Variants in ZNF410 observed in about 807,000 individuals in gnomAD.
ZNF410 encodes another partner for ARF 1.
A neutral mutation model predicts 54.8 loss-of-function variants in ZNF410; 18 were observed. That is an observed-to-expected ratio of 0.33 (90% CI 0.23 to 0.49). The LOEUF (loss-of-function observed/expected upper bound fraction) is 0.49, where lower values mean the gene tolerates loss of function less well. ZNF410 is among the 20% of genes least tolerant of loss of function. ZNF410 has a pLI of 0.99. For synonymous variants in ZNF410, 191 were observed against 207.3 expected (o/e 0.92, Z 0.68); for missense variants, 405 against 569.6 (o/e 0.71, Z 2.94).
chr14:73,891,256 A>G (rs111722682), intron 1 of ZNF410, among the ~76,000 whole-genome samples: 54 of 152,308 alleles, frequency 3.5e-4, no homozygotes, highest in African/African-American at 1.3e-3. Flanking sequence ...GATGCTTATT[A>G]TAACTAGTTT....
chr14:73,912,430 G>T (rs569482848), intron 8 of ZNF410, among the ~76,000 whole-genome samples: 1 of 152,074 alleles, frequency 6.6e-6, no homozygotes, highest in African/African-American at 2.4e-5. Context: ...GCCTCCCGAA[G>T]TGCTGGGATT....
intron 3 of ZNF410, among the ~76,000 whole-genome samples, chr14:73,894,782 G>A (rs981351264): frequency 1.3e-5 from 2 of 152,094 alleles, no homozygotes; most frequent in African/African-American, 2.4e-5. Context: ...AAGAGAAGGC[G>A]GTAAGATAGA....
At chr14:73,914,751 C>T (rs911104294) in intron 8 of ZNF410, 2 of 150,900 alleles carry the variant, frequency 1.3e-5, no homozygotes, top group East Asian at 4.0e-4. Context: ...GCCTCAGCCT[C>T]CTGAGAAGCT....
intron 1 of ZNF410, among the ~76,000 whole-genome samples, chr14:73,888,612 G>T (rs900824103): frequency 6.6e-6 from 1 of 152,172 alleles, no homozygotes; most frequent in African/African-American, 2.4e-5. Context: ...TGAGTCAATA[G>T]TATGGTATGT....
intron 7 of ZNF410, among the ~76,000 whole-genome samples, chr14:73,906,791 T>C (rs928664663): frequency 1.3e-5 from 2 of 152,206 alleles, no homozygotes; most frequent in South Asian, 2.1e-4. Flanking sequence ...AAAATGCTTT[T>C]ACTTCAAAAT....
chr14:73,899,562 C>G (rs2055374320), intron 5 of ZNF410, among the ~76,000 whole-genome samples: 1 of 152,154 alleles, frequency 6.6e-6, no homozygotes. Context: ...AAACCTTCAG[C>G]ATTTCCTCTT....
At chr14:73,909,686 G>T in intron 8 of ZNF410, 1 of 365,412 alleles carries the variant, frequency 2.7e-6, no homozygotes, top group Non-Finnish European at 5.0e-6. Flanking sequence ...AAATTTGTTT[G>T]GCACTCTGCT....
At chr14:73,898,725 A>G (rs2055360755) in intron 5 of ZNF410, among the ~76,000 whole-genome samples, 1 of 152,238 alleles carries the variant, frequency 6.6e-6, no homozygotes, top group Non-Finnish European at 1.5e-5. Context: ...CTGAAACTAA[A>G]TTGCTGCTCA....
chr14:73,898,438 T>C, intron 5 of ZNF410, 176 bp downstream of exon 5: 1 of 758,910 alleles, frequency 1.3e-6, no homozygotes, highest in Admixed American at 2.9e-5. Flanking sequence ...ATGCCAGATT[T>C]GTGTTCAAAA....
At chr14:73,926,559 C>T (rs1019084753) in intron 11 of ZNF410, among the ~76,000 whole-genome samples, 1 of 151,968 alleles carries the variant, frequency 6.6e-6, no homozygotes, top group African/African-American at 2.4e-5. Flanking sequence ...TCAAGTCTCC[C>T]AATTAGCTGG....
intron 1 of ZNF410, chr14:73,887,303 A>G (rs1187947234): frequency 1.3e-5 from 2 of 152,280 alleles, no homozygotes; most frequent in Non-Finnish European, 1.5e-5. Context: ...GGGGTAGAGG[A>G]TGCCAGGAGG....
intron 11 of ZNF410, among the ~76,000 whole-genome samples, chr14:73,930,509 TCAC>T (rs1296824561): frequency 2.0e-5 from 3 of 152,088 alleles, no homozygotes; most frequent in Non-Finnish European, 4.4e-5. Flanking sequence ...CAAATTAGGA[TCAC>T]CAAGTAAATA....
At chr14:73,929,180 C>G (rs1450083333) in intron 11 of ZNF410, among the ~76,000 whole-genome samples, 1 of 152,148 alleles carries the variant, frequency 6.6e-6, no homozygotes, top group African/African-American at 2.4e-5. Flanking sequence ...TAGCATTATT[C>G]TCCTCCTCGT....
rs2055240904 is a variant in ZNF410 at position 73,892,227 on chromosome 14, T to C, written c.33+19T>C. On this transcript the variant is annotated intron_variant, in intron 2 of 11. Coordinates refer to ENST00000555044, the MANE Select transcript of ZNF410 (RefSeq NM_021188.3). ...ACCAGAGGTGAGCCCAGTCAGCTTG[T>C]TTCCTTTTCTTTTGGTGGGCTATAT... is the stretch of plus-strand genomic sequence containing the variant. 6.2e-7 allele frequency: 1 copy of C among 1,611,334 alleles called. No homozygotes were observed.
At chr14:73,924,047 T>A (rs1446505074) in intron 11 of ZNF410, among the ~76,000 whole-genome samples, 1 of 152,206 alleles carries the variant, frequency 6.6e-6, no homozygotes, top group Non-Finnish European at 1.5e-5. Context: ...TTCATTCTGC[T>A]ATGGTCATAT....
Position 73,923,470 on chromosome 14 carries a change from CAGGG to C in ZNF410, c.1350_1353del (p.Arg451AsnfsTer8), listed in dbSNP as rs761671631. 6.2e-7 allele frequency: 1 copy of C among 1,613,984 alleles called. No homozygotes were observed. The highest frequency in any genetic ancestry group is 1.3e-5 in the African/African-American group (1 of 75,026). ...ACACATCACCTGGTGACCATGCAGTCAGGGAGGCAATCATATGAAGTTTCTGTCT... is the reference window on the plus strand; with the variant it reads ...ACACATCACCTGGTGACCATGCAGTCAGGCAATCATATGAAGTTTCTGTCT... On this transcript the variant is annotated frameshift_variant, in exon 11 of 12. Transcript: ENST00000555044. LOFTEE classifies it high-confidence loss of function.
intron 5 of ZNF410, chr14:73,898,590 A>T: frequency 2.3e-6 from 1 of 441,020 alleles, no homozygotes; most frequent in Non-Finnish European, 4.0e-6. Flanking sequence ...TGTAAACTTC[A>T]TATACTTAGA....
At chr14:73,909,518 A>G (rs2140310758) in intron 8 of ZNF410, 88 bp downstream of exon 8, 1 of 1,048,846 alleles carries the variant, frequency 9.5e-7, no homozygotes, top group South Asian at 1.4e-5. Flanking sequence ...ACAACTAAAA[A>G]GAAACAAACT....
At chr14:73,922,246 T>C in intron 10 of ZNF410, 40 bp downstream of exon 10, 1 of 1,598,874 alleles carries the variant, frequency 6.3e-7, no homozygotes. Flanking sequence ...AAAAATGGGC[T>C]GCAACTAGGG....
Sources: allele counts gnomAD v4.1 joint callset (sites outside exome capture counted in the v4.1 genomes callset), GRCh38; gene constraint gnomAD v4.1.1; transcripts MANE v1.5; gene names NCBI Gene and HGNC (gene_info 2026-07-23, HGNC 2026-07-21).